Variants in GLIS3 observed in about 807,000 individuals in gnomAD.
The protein encoded by GLIS3 is GLIS family zinc finger 3, also known as zinc finger protein GLIS3.
A neutral mutation model predicts 78.6 loss-of-function variants in GLIS3; 53 were observed. The ratio of observed to expected loss-of-function variants is 0.67; its 90% confidence interval spans 0.54 to 0.85. The LOEUF is 0.85. GLIS3 is among the 40% of genes least tolerant of loss of function. The probability of loss-of-function intolerance (pLI) is 0.00; values close to 1 mark genes in which losing one functional copy is unlikely to be tolerated. For missense variants in GLIS3, 1,703 were observed against 1,231.1 expected (o/e 1.38, Z -5.74); for synonymous variants, 684 against 509.9 (o/e 1.34, Z -4.60).
chr9:4,102,642 T>C lies in GLIS3; in HGVS notation c.1710+15126A>G, dbSNP rs188583165. ...CCAGTCCAAATGTCCAAAATGTCAA[T>C]AGTGCTGAGCTTAAAAAGCACTGCC... On this transcript the variant is annotated intron_variant, in intron 4 of 10. Transcript: ENST00000381971. Among the ~76,000 whole-genome samples the C allele has an allele frequency of 9.2e-4, 140 of 152,280 alleles. No homozygotes were observed. The East Asian group carries it at 0.013, about 15-fold the overall frequency.
intron 2 of GLIS3, among the ~76,000 whole-genome samples, chr9:4,275,617 G>T (rs1490522687): frequency 7.4e-6 from 1 of 135,838 alleles, no homozygotes; most frequent in East Asian, 2.1e-4. Context: ...AAAAAAAAAA[G>T]CCAGGTGTGG....
chr9:4,420,116 G>T, the GLIS3 span, among the ~76,000 whole-genome samples: 4 of 152,198 alleles, frequency 2.6e-5, no homozygotes, highest in African/African-American at 9.6e-5. Context: ...GTCCAGGCAT[G>T]TGTGGTTCAA....
At chr9:3,992,892 G>C (rs142793516) in intron 4 of GLIS3, among the ~76,000 whole-genome samples, 1 of 152,070 alleles carries the variant, frequency 6.6e-6, no homozygotes, top group Non-Finnish European at 1.5e-5. Flanking sequence ...CTTTAGTTTC[G>C]TTTGAGGTGT....
chr9:4,195,740 T>C (rs1818772442), intron 2 of GLIS3, among the ~76,000 whole-genome samples: 1 of 152,254 alleles, frequency 6.6e-6, no homozygotes, highest in African/African-American at 2.4e-5. Context: ...GCTGGGCTCC[T>C]GAGTCGGGTG....
chr9:4,179,338 G>C (rs7045196), intron 2 of GLIS3, among the ~76,000 whole-genome samples: 69,129 of 151,996 alleles, frequency 0.45, 15,978 homozygotes, highest in South Asian at 0.56. Context: ...TACTGAGACA[G>C]CATCTAAAAC....
intron 2 of GLIS3, among the ~76,000 whole-genome samples, chr9:4,239,272 C>G (rs1418913397): frequency 6.7e-6 from 1 of 150,280 alleles, no homozygotes; most frequent in Non-Finnish European, 1.5e-5. Context: ...ACATATGTAA[C>G]AAACCTGCAC....
At chr9:4,191,867 G>T (rs543170778) in intron 2 of GLIS3, among the ~76,000 whole-genome samples, 6 of 151,832 alleles carry the variant, frequency 4.0e-5, no homozygotes, top group African/African-American at 1.4e-4. Flanking sequence ...AAGAGAGAAA[G>T]AAAAATTAAT....
At chr9:4,430,800 C>A in the GLIS3 span, among the ~76,000 whole-genome samples, 6 of 152,280 alleles carry the variant, frequency 3.9e-5, no homozygotes, top group East Asian at 1.2e-3. Flanking sequence ...AATTCAAATT[C>A]CAACTAGGAC....
intron 6 of GLIS3, among the ~76,000 whole-genome samples, chr9:3,902,272 A>T (rs1289683535): frequency 6.6e-6 from 1 of 152,200 alleles, no homozygotes; most frequent in Non-Finnish European, 1.5e-5. Flanking sequence ...GTATGCATAG[A>T]AACGCAGTCA....
intron 2 of GLIS3, among the ~76,000 whole-genome samples, chr9:4,230,817 G>T (rs1822190982): frequency 6.6e-6 from 1 of 152,142 alleles, no homozygotes; most frequent in African/African-American, 2.4e-5. Context: ...ACACATAAAA[G>T]AATCTAATTC....
chr9:4,138,362 G>C (rs969621986), intron 2 of GLIS3, among the ~76,000 whole-genome samples: 1 of 152,188 alleles, frequency 6.6e-6, no homozygotes, highest in Non-Finnish European at 1.5e-5. Context: ...CAACCAATTG[G>C]AGAGAGTGTT....
At chr9:4,279,847 T>C (rs1226369636) in intron 2 of GLIS3, among the ~76,000 whole-genome samples, 1 of 151,496 alleles carries the variant, frequency 6.6e-6, no homozygotes. Flanking sequence ...TCTGGTGAAG[T>C]AGGCTAAAGA....
intron 2 of GLIS3, among the ~76,000 whole-genome samples, chr9:4,141,640 G>A (rs904528993): frequency 6.6e-6 from 1 of 152,166 alleles, no homozygotes; most frequent in East Asian, 1.9e-4. Flanking sequence ...TGATTTAAAG[G>A]AAATAATTTA....
intron 2 of GLIS3, among the ~76,000 whole-genome samples, chr9:4,205,705 G>C (rs746220855): frequency 6.6e-6 from 1 of 152,162 alleles, no homozygotes; most frequent in Non-Finnish European, 1.5e-5. Flanking sequence ...CCCACTTTAG[G>C]ATTTTTCAGT....
At chr9:4,103,586 C>G (rs922502825) in intron 4 of GLIS3, among the ~76,000 whole-genome samples, 2 of 152,160 alleles carry the variant, frequency 1.3e-5, no homozygotes, top group Non-Finnish European at 2.9e-5. Context: ...CCAGTCTGTT[C>G]CTGGACTCTG....
intron 2 of GLIS3, among the ~76,000 whole-genome samples, chr9:4,187,583 G>T (rs1407650022): frequency 1.3e-5 from 2 of 152,146 alleles, no homozygotes; most frequent in African/African-American, 4.8e-5. Context: ...AAATGACCTT[G>T]GACTGTATGG....
chr9:4,088,206 C>G (rs1234878345), intron 4 of GLIS3, among the ~76,000 whole-genome samples: 1 of 152,206 alleles, frequency 6.6e-6, no homozygotes, highest in Non-Finnish European at 1.5e-5. Context: ...GTACCTCAAT[C>G]CTTCTATCGG....
At chr9:4,170,476 A>G (rs1369435251) in intron 2 of GLIS3, among the ~76,000 whole-genome samples, 2 of 152,210 alleles carry the variant, frequency 1.3e-5, no homozygotes, top group Non-Finnish European at 2.9e-5. Context: ...TCCCAGCTCT[A>G]TGGGAAATCT....
chr9:4,400,246 G>T, the GLIS3 span, among the ~76,000 whole-genome samples: 1 of 152,230 alleles, frequency 6.6e-6, no homozygotes, highest in African/African-American at 2.4e-5. Flanking sequence ...GGGAGGGCAT[G>T]TAAAGAAAGA....
Sources: allele counts gnomAD v4.1 joint callset (sites outside exome capture counted in the v4.1 genomes callset), GRCh38; gene constraint gnomAD v4.1.1; transcripts MANE v1.5; gene names NCBI Gene and HGNC (gene_info 2026-07-23, HGNC 2026-07-21).